The following PCDHGA1 variants were observed in gnomAD, a reference collection of about 807,000 sequenced individuals.
PCDHGA1 encodes the protein protocadherin gamma-A1.
PCDHGA1 carries 32 observed loss-of-function variants against 58.0 expected under a neutral mutation model. The ratio of observed to expected loss-of-function variants is 0.55; its 90% confidence interval spans 0.42 to 0.74. The LOEUF is 0.74. PCDHGA1 is among the 30% of genes least tolerant of loss of function. The probability of loss-of-function intolerance (pLI) is 0.00; values close to 1 mark genes in which losing one functional copy is unlikely to be tolerated. For missense variants in PCDHGA1, 1,205 were observed against 1,182.3 expected, an observed-to-expected ratio of 1.02 and a Z score of -0.28; for synonymous variants, 498 against 501.1, an observed-to-expected ratio of 0.99 and a Z score of 0.08.
chr5:141,346,916 A>G (rs935999484), intron 1 of PCDHGA1, among the ~76,000 whole-genome samples: 17 of 152,270 alleles, frequency 1.1e-4, no homozygotes, highest in Admixed American at 5.2e-4. Context: ...GTAAAAATAC[A>G]TATGAATAAA....
intron 1 of PCDHGA1, chr5:141,378,340 T>G (rs887140006): frequency 2.0e-5 from 3 of 152,166 alleles, no homozygotes; most frequent in African/African-American, 7.2e-5. Context: ...CTGACCAACA[T>G]GGTGAAACCC....
In PCDHGA1 at chr5:141,332,909, G is replaced by T. The variant is rs768439468; in HGVS notation, c.2225G>T (p.Gly742Val). The change falls in exon 1 of 4, where the codon GGC becomes GTC. Residue 742 changes from glycine to valine, a missense_variant. Coordinates refer to ENST00000517417, the MANE Select transcript of PCDHGA1 (RefSeq NM_018912.3). This position sits in a 1 kb window ranked among gnomAD's most constrained non-coding sequence, Gnocchi z 4.6. ...LASMPGSHFVGVDGVRAFLQT... is the reference protein window; with the variant it reads ...LASMPGSHFVVVDGVRAFLQT... ...AGCATGCCCGGTTCGCACTTTGTGG[G>T]CGTGGACGGGGTTCGGGCTTTCCTG... The T allele has an allele frequency of 5.0e-6, 8 of 1,614,226 alleles. No individual in the cohort carries two copies. Among genetic ancestry groups the T allele is most frequent in the Non-Finnish European group, 6.8e-6 (8 of 1,180,044 alleles).
chr5:141,372,048 G>C (rs1331862731), intron 1 of PCDHGA1: 1 of 1,613,392 alleles, frequency 6.2e-7, no homozygotes, highest in African/African-American at 1.3e-5. Flanking sequence ...GCGCGTGTTG[G>C]TGGACGACCG....
rs768767029 is a variant in PCDHGA1, at chr5:141,477,838, G to A, written c.2422-16969G>A. The A allele has an allele frequency of 6.2e-7, 1 of 1,612,892 alleles. No individual in the cohort carries two copies. The highest frequency in any genetic ancestry group is 1.1e-5 in the South Asian group (1 of 90,982). ...AGGTCCTATATCCTCGGCCAGGTGG[G>A]AGCTCGGTGGAGATGCTGCCTCGAG... On this transcript the variant is annotated intron_variant, in intron 1 of 3. Transcript: ENST00000517417. This position sits in a 1 kb window ranked among gnomAD's most constrained non-coding sequence, Gnocchi z 4.9.
Position 141,432,670 on chromosome 5 carries a change from G to A in PCDHGA1, c.2422-62137G>A, listed in dbSNP as rs749221752. ...CGCGAGCCCTGCTGGACAGAGACGC[G>A]CTCAAGCAGAGCCTCGTAGTGGCCG... On this transcript the variant is annotated intron_variant, in intron 1 of 3. Coordinates refer to ENST00000517417, the MANE Select transcript of PCDHGA1 (RefSeq NM_018912.3). The surrounding 1 kb of genome is among the most constrained non-coding windows in gnomAD (Gnocchi z 6.0). The A allele has an allele frequency of 6.8e-6, 11 of 1,613,748 alleles. No individual in the cohort carries two copies. The East Asian group carries it at 1.8e-4, about 26-fold the overall frequency.
chr5:141,460,848 C>T lies in PCDHGA1; in HGVS notation c.2422-33959C>T, dbSNP rs528601988. Among the ~76,000 whole-genome samples, 257 of 150,340 alleles carry T rather than the reference C, an allele frequency of 1.7e-3. 1 individual carries two copies. The highest frequency in any genetic ancestry group is 4.2e-3 in the Admixed American group (62 of 14,868). ...ACACTTAAAGTAATGGCCTCCAGTT[C>T]GATCCAAGTTGCTGCAAAGGACATT... is the stretch of plus-strand genomic sequence containing the variant. On this transcript the variant is annotated intron_variant, in intron 1 of 3. Transcript: ENST00000517417.
At chr5:141,388,875 G>C in intron 1 of PCDHGA1, 1 of 1,614,024 alleles carries the variant, frequency 6.2e-7, no homozygotes, top group Non-Finnish European at 8.5e-7. Context: ...GCAATGCACA[G>C]TGGAGGTAGA....
At chr5:141,411,045 T>G (rs1409162601) in intron 1 of PCDHGA1, 1 of 159,716 alleles carries the variant, frequency 6.3e-6, no homozygotes, top group Non-Finnish European at 1.4e-5. Flanking sequence ...AGACATGGGG[T>G]TTCACTATGT....
intron 1 of PCDHGA1, chr5:141,393,292 C>T: frequency 6.2e-7 from 1 of 1,613,946 alleles, no homozygotes; most frequent in Non-Finnish European, 8.5e-7. Context: ...GCTGTTGACC[C>T]GGATGTGGGC....
At position 141,366,595 on chromosome 5, in the gene PCDHGA1, C is replaced by G. The variant is rs373756207; in HGVS notation, c.2421+33490C>G. 4.3e-6 allele frequency: 7 copies of G among 1,614,146 alleles called. No individual in the cohort carries two copies. The Admixed American group carries it at 8.3e-5, about 19-fold the overall frequency. On this transcript the variant is annotated intron_variant, in intron 1 of 3. Coordinates refer to ENST00000517417, the MANE Select transcript of PCDHGA1 (RefSeq NM_018912.3). ...GGGCTTTCCTGCAGACCTATTCCCA[C>G]GAGGTCTCCCTCACCGCGGACTCGA...
At position 141,449,274 on chromosome 5, in the gene PCDHGA1, T is replaced by C. The variant is rs569352843; in HGVS notation, c.2422-45533T>C. 3.9e-5 allele frequency among the ~76,000 whole-genome samples: 6 copies of C among 152,260 alleles called. No individual in the cohort carries two copies. In the East Asian group the frequency reaches 1.2e-3, roughly 29 times the overall value. On this transcript the variant is annotated intron_variant, in intron 1 of 3. Transcript: ENST00000517417. ...GAATTGTACAAAGAACTGTATCTCC[T>C]TCACCCGGATGCACCGGGTGAATTA...
At chr5:141,411,394 A>AC (rs958605809) in intron 1 of PCDHGA1, 4 of 151,570 alleles carry the variant, frequency 2.6e-5, no homozygotes, top group South Asian at 2.1e-4. Context: ...ATATAGGGAG[A>AC]CCCCCCATCT....
chr5:141,351,356 A>G (rs761700091), intron 1 of PCDHGA1: 3 of 1,613,212 alleles, frequency 1.9e-6, no homozygotes, highest in Admixed American at 3.3e-5. Flanking sequence ...AGCCCTCATA[A>G]AAGTGCGAGA....
intron 1 of PCDHGA1, among the ~76,000 whole-genome samples, chr5:141,468,830 C>T (rs561511870): frequency 2.0e-5 from 3 of 152,170 alleles, no homozygotes; most frequent in East Asian, 1.9e-4. Flanking sequence ...CAAGCCACTG[C>T]ACTCCAGCCT....
At chr5:141,389,578 TG>T (rs1314978831) in intron 1 of PCDHGA1, 1 of 1,613,236 alleles carries the variant, frequency 6.2e-7, no homozygotes, top group South Asian at 1.1e-5. Context: ...TACCCCGCGC[TG>T]GGTCCCGACG....
chr5:141,356,962 G>A, intron 1 of PCDHGA1: 1 of 1,614,224 alleles, frequency 6.2e-7, no homozygotes, highest in Non-Finnish European at 8.5e-7. Context: ...CGGCTACCTG[G>A]TGACCAAAGT....
At position 141,344,625 on chromosome 5, in the gene PCDHGA1, C is replaced by G. The variant is rs746729408; in HGVS notation, c.2421+11520C>G. On this transcript the variant is annotated intron_variant, in intron 1 of 3. Transcript: ENST00000517417. The stretch of plus-strand genomic sequence containing the variant: ...CAAGTATCCAGAGCTGGTGCTGGAG[C>G]GGGCCCTGGACCGTGAGAAAAAAGA... 30 of 1,613,816 alleles carry G rather than the reference C, an allele frequency of 1.9e-5. No individual in the cohort carries two copies. The highest frequency in any genetic ancestry group is 2.5e-5 in the Non-Finnish European group (30 of 1,179,882).
chr5:141,394,128 GC>G, intron 1 of PCDHGA1: 4 of 1,613,730 alleles, frequency 2.5e-6, no homozygotes, highest in Non-Finnish European at 3.4e-6. Context: ...AACTCAAATC[GC>G]TCTGCACGTG....
Position 141,432,292 on chromosome 5 carries a change from T to C in PCDHGA1, c.2422-62515T>C, listed in dbSNP as rs1339412798. 2 of 1,614,078 alleles carry C rather than the reference T, an allele frequency of 1.2e-6. No individual in the cohort carries two copies. The highest frequency in any genetic ancestry group is 2.2e-5 in the East Asian group (1 of 44,888). On this transcript the variant is annotated intron_variant, in intron 1 of 3. Coordinates refer to ENST00000517417, the MANE Select transcript of PCDHGA1 (RefSeq NM_018912.3). The surrounding 1 kb of genome is among the most constrained non-coding windows in gnomAD (Gnocchi z 6.0). ...CCTACGTGTCCATCAACTCCGACAC[T>C]GGGGTACTGTATGCGCTGAGCTCCT...
Sources: gnomAD v4.1 joint callset for allele counts (sites outside exome capture counted in the v4.1 genomes callset) on GRCh38, gnomAD v4.1.1 for gene constraint, Gnocchi (gnomAD v3.1) non-coding constraint, MANE v1.5 for transcripts, NCBI Gene and HGNC (gene_info 2026-07-23, HGNC 2026-07-21) for gene names.